The following MYO5B variants were observed in gnomAD, a reference collection of about 807,000 sequenced individuals.
MYO5B encodes myosin VB.
A neutral mutation model predicts 229.3 loss-of-function variants in MYO5B; 143 were observed. The ratio of observed to expected loss-of-function variants is 0.62; its 90% confidence interval spans 0.54 to 0.72. The LOEUF is 0.72. Ranked by LOEUF, MYO5B falls within the 30% of genes least tolerant of loss-of-function variation. The pLI, the probability that MYO5B is intolerant of heterozygous loss-of-function variation, is 0.00. For missense variants in MYO5B, 2,321 were observed against 2,331.0 expected (o/e 1.00, Z 0.09); for synonymous variants, 918 against 885.2 (o/e 1.04, Z -0.66).
intron 16 of MYO5B, among the ~76,000 whole-genome samples, chr18:49,930,727 C>A (rs1444624218): frequency 1.3e-5 from 2 of 151,982 alleles, no homozygotes; most frequent in African/African-American, 4.8e-5. Context: ...CCCATCTCTA[C>A]TAAAAATATA....
intron 4 of MYO5B, among the ~76,000 whole-genome samples, chr18:50,012,579 C>T (rs1358765060): frequency 6.6e-6 from 1 of 152,204 alleles, no homozygotes; most frequent in African/African-American, 2.4e-5. Context: ...CACAGATGCA[C>T]AAGCATTAAG....
intron 1 of MYO5B, among the ~76,000 whole-genome samples, chr18:50,129,611 C>T (rs1219235612): frequency 6.6e-6 from 1 of 152,150 alleles, no homozygotes; most frequent in Admixed American, 6.5e-5. Flanking sequence ...ATTCCCACAG[C>T]CCTATGAAAC....
At chr18:49,992,811 A>C (rs1022966139) in intron 5 of MYO5B, among the ~76,000 whole-genome samples, 8 of 152,160 alleles carry the variant, frequency 5.3e-5, no homozygotes, top group African/African-American at 1.9e-4. Flanking sequence ...AATCACAGAG[A>C]CCTTAGCTGT....
At chr18:50,086,169 A>G (rs892937184) in intron 1 of MYO5B, among the ~76,000 whole-genome samples, 2 of 152,154 alleles carry the variant, frequency 1.3e-5, no homozygotes, top group African/African-American at 2.4e-5. Flanking sequence ...TGTTTAACGG[A>G]TTTATGGCCT....
chr18:50,009,173 T>A (rs1340621345), intron 4 of MYO5B, among the ~76,000 whole-genome samples: 4 of 151,762 alleles, frequency 2.6e-5, no homozygotes, highest in Non-Finnish European at 5.9e-5. Flanking sequence ...AGGTCAGGAG[T>A]TTGAGACCAG....
At chr18:49,863,167 C>G in intron 29 of MYO5B, 60 bp downstream of exon 29, 1 of 1,305,744 alleles carries the variant, frequency 7.7e-7, no homozygotes, top group South Asian at 1.2e-5. Flanking sequence ...CAAACAGACT[C>G]GTTTGGGCAG....
intron 29 of MYO5B, among the ~76,000 whole-genome samples, chr18:49,858,546 G>A (rs1225083925): frequency 6.6e-6 from 1 of 152,104 alleles, no homozygotes; most frequent in African/African-American, 2.4e-5. Flanking sequence ...GGGCTGCTGG[G>A]GCTCTGTCTC....
At chr18:50,126,067 C>T (rs1002396625) in intron 1 of MYO5B, among the ~76,000 whole-genome samples, 1 of 151,960 alleles carries the variant, frequency 6.6e-6, no homozygotes, top group African/African-American at 2.4e-5. Flanking sequence ...GGATGGTGGT[C>T]GTGATTGCAC....
chr18:50,192,127 A>C (rs2144365549), intron 1 of MYO5B, among the ~76,000 whole-genome samples: 1 of 152,298 alleles, frequency 6.6e-6, no homozygotes, highest in African/African-American at 2.4e-5. Context: ...AGGGCTGACA[A>C]TGGTAGAAAC....
Position 50,093,939 on chromosome 18 carries a change from T to G in MYO5B, c.28-38561A>C, listed in dbSNP as rs568025876. 3.9e-5 allele frequency among the ~76,000 whole-genome samples: 6 copies of G among 152,186 alleles called. No individual in the cohort carries two copies. The East Asian group carries it at 1.2e-3, about 29-fold the overall frequency. ...GGAAAACTCATGAATAATCCACCCC[T>G]TGTTTAGCATGTAATCAAGAAATAA... is the stretch of plus-strand genomic sequence containing the variant. On this transcript the variant is annotated intron_variant, in intron 1 of 39. Transcript: ENST00000285039.
At chr18:49,845,652 C>A (rs1226987507) in intron 33 of MYO5B, among the ~76,000 whole-genome samples, 1 of 152,188 alleles carries the variant, frequency 6.6e-6, no homozygotes, top group Non-Finnish European at 1.5e-5. Flanking sequence ...AAGAAGGGAG[C>A]TGCTGGCTCA....
chr18:50,162,101 A>G (rs1162173542), intron 1 of MYO5B, among the ~76,000 whole-genome samples: 1 of 152,268 alleles, frequency 6.6e-6, no homozygotes, highest in African/African-American at 2.4e-5. Context: ...GTCTTGCAAG[A>G]TGAGGTCACT....
chr18:50,117,226 A>C (rs779963466), intron 1 of MYO5B, among the ~76,000 whole-genome samples: 1 of 152,206 alleles, frequency 6.6e-6, no homozygotes, highest in Non-Finnish European at 1.5e-5. Context: ...AAAGGGCAGC[A>C]GTAAAATTTC....
intron 1 of MYO5B, among the ~76,000 whole-genome samples, chr18:50,070,996 G>A (rs1168753887): frequency 6.6e-6 from 1 of 152,156 alleles, no homozygotes; most frequent in African/African-American, 2.4e-5. Flanking sequence ...ATGAACTTTT[G>A]TATTGTTTGT....
chr18:49,995,969 C>A (rs950345569), intron 5 of MYO5B, among the ~76,000 whole-genome samples: 2 of 152,194 alleles, frequency 1.3e-5, no homozygotes, highest in Non-Finnish European at 2.9e-5. Flanking sequence ...ACATGTTAAA[C>A]AATGTCATAC....
intron 4 of MYO5B, among the ~76,000 whole-genome samples, chr18:50,013,604 C>T (rs1003703162): frequency 6.6e-6 from 1 of 152,202 alleles, no homozygotes; most frequent in Non-Finnish European, 1.5e-5. Context: ...GATTACTCAC[C>T]TCCCTGCCCT....
chr18:49,895,562 T>G (rs1220231793), intron 21 of MYO5B, among the ~76,000 whole-genome samples: 2 of 152,148 alleles, frequency 1.3e-5, no homozygotes, highest in African/African-American at 4.8e-5. Flanking sequence ...CTTTGCTCTT[T>G]CATACAGAGC....
intron 1 of MYO5B, among the ~76,000 whole-genome samples, chr18:50,085,671 T>G (rs2031314876): frequency 1.3e-5 from 2 of 152,120 alleles, no homozygotes; most frequent in Non-Finnish European, 2.9e-5. Context: ...AACCCAGATG[T>G]CCAACAATGA....
intron 14 of MYO5B, among the ~76,000 whole-genome samples, chr18:49,938,844 T>C (rs2025280190): frequency 6.6e-6 from 1 of 152,032 alleles, no homozygotes. Flanking sequence ...GAGAGGCCCC[T>C]CTCTCAAGGT....
Sources: gnomAD v4.1 joint callset for allele counts (sites outside exome capture counted in the v4.1 genomes callset) on GRCh38, gnomAD v4.1.1 for gene constraint, MANE v1.5 for transcripts, NCBI Gene and HGNC (gene_info 2026-07-23, HGNC 2026-07-21) for gene names.